Variants in TRIQK observed in about 807,000 individuals in gnomAD.
TRIQK encodes the protein triple QxxK/R motif-containing protein.
TRIQK carries 10 observed loss-of-function variants against 10.8 expected under a neutral mutation model. The observed-to-expected ratio is 0.92, with a 90% CI of 0.57 to 1.57. The LOEUF is 1.57. Ranked by LOEUF, TRIQK falls within the 40% of genes most tolerant of loss-of-function variation. TRIQK has a pLI of 0.00. For synonymous variants in TRIQK, 33 were observed against 33.7 expected (o/e 0.98, Z 0.07); for missense variants, 107 against 97.7 (o/e 1.09, Z -0.40).
chr8:93,007,236 G>A (rs1813283456), intron 1 of TRIQK, among the ~76,000 whole-genome samples: 1 of 152,184 alleles, frequency 6.6e-6, no homozygotes, highest in African/African-American at 2.4e-5. Flanking sequence ...TGAATCCCCA[G>A]CAAACTGCAG....
intron 1 of TRIQK, among the ~76,000 whole-genome samples, chr8:92,982,617 A>C (rs1430151605): frequency 6.6e-6 from 1 of 151,960 alleles, no homozygotes; most frequent in Non-Finnish European, 1.5e-5. Flanking sequence ...AAATCAGAAA[A>C]TATTTTGCTA....
intron 2 of TRIQK, among the ~76,000 whole-genome samples, chr8:92,919,808 C>CTCATGAT (rs1810078937): frequency 6.6e-6 from 1 of 151,718 alleles, no homozygotes; most frequent in Non-Finnish European, 1.5e-5. Context: ...CTGCTTCAAA[C>CTCATGAT]TCATGATTCA....
chr8:92,980,022 C>T (rs1812970566), intron 1 of TRIQK, among the ~76,000 whole-genome samples: 1 of 151,972 alleles, frequency 6.6e-6, no homozygotes, highest in Admixed American at 6.6e-5. Flanking sequence ...GTGTCTTCAT[C>T]TCAATATCAA....
intron 2 of TRIQK, among the ~76,000 whole-genome samples, chr8:92,920,600 T>C (rs1002405011): frequency 6.6e-6 from 1 of 151,416 alleles, no homozygotes; most frequent in Non-Finnish European, 1.5e-5. Context: ...CCTGAGCCTA[T>C]TATTTCAGAT....
chr8:92,906,043 G>A (rs1195219704), intron 3 of TRIQK, among the ~76,000 whole-genome samples: 3 of 152,114 alleles, frequency 2.0e-5, no homozygotes, highest in South Asian at 2.1e-4. Flanking sequence ...TCTCACACCA[G>A]CTAGAAATAG....
rs1816367415 is a variant in TRIQK, at chr8:92,884,455, AAATC to A, written c.*2163_*2166del. ...ATTTATGGTTCTCTGGAGCTATCAT[AAATC>A]AATCAGTCATACGAATGGACTAGCT... On this transcript the variant is annotated 3_prime_UTR_variant, in exon 5 of 5. Transcript: ENST00000521988. 3 of 211,124 alleles carry A rather than the reference AAATC, an allele frequency of 1.4e-5. No homozygotes were observed. Among genetic ancestry groups the A allele is most frequent in the Admixed American group, 5.3e-5 (1 of 18,794 alleles). 13.1% of individuals were successfully genotyped at this position (211,124 alleles called of 1,614,324 possible).
At chr8:92,900,014 A>G (rs1422701567) in intron 3 of TRIQK, among the ~76,000 whole-genome samples, 1 of 152,170 alleles carries the variant, frequency 6.6e-6, no homozygotes, top group Admixed American at 6.6e-5. Flanking sequence ...GATTTTGAGC[A>G]TGTTTTCATA....
chr8:92,910,840 T>C lies in TRIQK; in HGVS notation c.61+6089A>G, dbSNP rs528276951. On this transcript the variant is annotated intron_variant, in intron 3 of 4. Transcript: ENST00000521988. ...AGCTTCAAATATATAAAGCAAAAAC[T>C]GATAGCATTACAAGAATTGAAAACT... 3.4e-4 allele frequency among the ~76,000 whole-genome samples: 52 copies of C among 151,378 alleles called. No individual in the cohort carries two copies. In the South Asian group the frequency reaches 6.8e-3, roughly 20 times the overall value.
chr8:92,991,499 T>A (rs546638424), intron 1 of TRIQK, among the ~76,000 whole-genome samples: 1 of 152,228 alleles, frequency 6.6e-6, no homozygotes, highest in African/African-American at 2.4e-5. Context: ...ATTAATGGAA[T>A]GTATCTCAAA....
chr8:92,981,410 T>A (rs756445544), intron 1 of TRIQK, among the ~76,000 whole-genome samples: 3 of 151,944 alleles, frequency 2.0e-5, no homozygotes, highest in Non-Finnish European at 4.4e-5. Flanking sequence ...GTTTATATCA[T>A]TATTTATTAT....
At chr8:92,996,016 G>C (rs940717986) in intron 1 of TRIQK, among the ~76,000 whole-genome samples, 31 of 152,188 alleles carry the variant, frequency 2.0e-4, no homozygotes, top group African/African-American at 7.2e-4. Context: ...TGAGGCACTA[G>C]ACGGAGGCCA....
In TRIQK at chr8:92,885,918, T is replaced by C. The variant is rs542084298; in HGVS notation, c.*704A>G. On this transcript the variant is annotated 3_prime_UTR_variant, in exon 5 of 5. Transcript: ENST00000521988. Reference sequence around the variant, plus strand: ...TAATTAGAATAGAATTCCAAGGTTATATTAATAGAGTAATAAGTTAATTAA... The same window carrying C: ...TAATTAGAATAGAATTCCAAGGTTACATTAATAGAGTAATAAGTTAATTAA... 2 of 151,826 alleles carry C rather than the reference T, an allele frequency of 1.3e-5. No homozygotes were observed. Among genetic ancestry groups the C allele is most frequent in the Non-Finnish European group, 3.0e-5 (2 of 67,772 alleles). 9.4% of individuals were successfully genotyped at this position (151,826 alleles called of 1,614,324 possible).
intron 1 of TRIQK, chr8:92,973,794 C>T (rs1311550454): frequency 6.6e-5 from 10 of 152,130 alleles, no homozygotes; most frequent in South Asian, 2.1e-4. Context: ...AGTACATTCT[C>T]GTCCCCTATA....
intron 2 of TRIQK, among the ~76,000 whole-genome samples, chr8:92,952,439 A>ACT (rs1223850554): frequency 3.3e-5 from 5 of 152,052 alleles, no homozygotes; most frequent in Admixed American, 2.6e-4. Flanking sequence ...ACACACACAC[A>ACT]CACAGAACAG....
At chr8:93,011,533 A>C (rs1251129106) in intron 1 of TRIQK, among the ~76,000 whole-genome samples, 1 of 152,114 alleles carries the variant, frequency 6.6e-6, no homozygotes. Context: ...TTTTAAAAGA[A>C]ATATCATCAA....
intron 2 of TRIQK, among the ~76,000 whole-genome samples, chr8:92,944,227 G>A (rs1433707434): frequency 6.8e-6 from 1 of 146,110 alleles, no homozygotes; most frequent in Non-Finnish European, 1.5e-5. Flanking sequence ...TGCATGTGGA[G>A]AAAAGGAAAA....
At chr8:92,978,856 G>GA (rs1482736831) in intron 1 of TRIQK, among the ~76,000 whole-genome samples, 7 of 152,090 alleles carry the variant, frequency 4.6e-5, no homozygotes, top group Middle Eastern at 3.2e-3. Context: ...TGAAGGCTGC[G>GA]AAAATCACTG....
intron 2 of TRIQK, among the ~76,000 whole-genome samples, chr8:92,918,468 A>C (rs1809985142): frequency 6.6e-6 from 1 of 152,032 alleles, no homozygotes; most frequent in Admixed American, 6.6e-5. Flanking sequence ...GATTTCCCTA[A>C]TGATTAGTGA....
chr8:92,954,016 A>G (rs1295205306), intron 2 of TRIQK: 2 of 151,984 alleles, frequency 1.3e-5, no homozygotes, highest in African/African-American at 4.8e-5. Flanking sequence ...ATATGCAGGA[A>G]CAGTGACTAA....
Sources: allele counts gnomAD v4.1 joint callset (sites outside exome capture counted in the v4.1 genomes callset), GRCh38; gene constraint gnomAD v4.1.1; transcripts MANE v1.5; gene names NCBI Gene and HGNC (gene_info 2026-07-23, HGNC 2026-07-21).